TNKS2: variants seen among roughly 807,000 people sequenced by gnomAD.
TNKS2 encodes tankyrase 2, also known as poly [ADP-ribose] polymerase tankyrase-2.
Under a neutral mutation model 137.6 loss-of-function variants are expected in TNKS2, and 72 were observed. That is an observed-to-expected ratio of 0.52 (90% CI 0.43 to 0.64). The LOEUF is 0.64. TNKS2 is among the 30% of genes least tolerant of loss of function. The pLI is 0.00. For missense variants in TNKS2, 1,049 were observed against 1,410.2 expected, an observed-to-expected ratio of 0.74 and a Z score of 4.10; for synonymous variants, 516 against 512.1, an observed-to-expected ratio of 1.01 and a Z score of -0.10.
chr10:91,803,703 A>G (rs186191844), intron 1 of TNKS2, among the ~76,000 whole-genome samples: 7 of 152,346 alleles, frequency 4.6e-5, no homozygotes, highest in Admixed American at 4.6e-4. Flanking sequence ...GTCCTGGCTA[A>G]AGGTTGCTTG....
chr10:91,824,704 G>A (rs1845009976), intron 7 of TNKS2, among the ~76,000 whole-genome samples: 1 of 152,136 alleles, frequency 6.6e-6, no homozygotes, highest in South Asian at 2.1e-4. Flanking sequence ...ACATGAAGCT[G>A]GGAAGGATAA....
Position 91,841,390 on chromosome 10 carries a change from C to T in TNKS2, c.1781C>T (p.Thr594Ile). Residue 594 changes from threonine to isoleucine, a missense_variant, in exon 15 of 27, where the codon ACA becomes ATA. By Grantham distance (89) the Thr-to-Ile change is moderately conservative (BLOSUM62 -1). This residue lies in a region of TNKS2 where 328 missense variants were observed against 436.0 expected (regional missense o/e 0.75). Transcript: ENST00000371627. Reference protein sequence around the residue: ...VVNVADLWKFTPLHEAAAKGK... With the variant: ...VVNVADLWKFIPLHEAAAKGK... ...AATGTAGCTGATTTATGGAAATTTA[C>T]ACCTTTACATGAAGCAGCAGCAAAA... 2.5e-6 allele frequency: 4 copies of T among 1,609,686 alleles called. No individual in the cohort carries two copies. The highest frequency in any genetic ancestry group is 3.4e-6 in the Non-Finnish European group (4 of 1,178,134).
Position 91,862,071 on chromosome 10 carries a change from T to C in TNKS2, c.3354T>C (p.Ser1118=). 6.2e-7 allele frequency: 1 copy of C among 1,613,512 alleles called. No individual in the cohort carries two copies. Among genetic ancestry groups the C allele is most frequent in the South Asian group, 1.1e-5 (1 of 91,018 alleles). The change falls in exon 26 of 27, where the codon TCT becomes TCC. Residue 1118 remains serine, a synonymous_variant. Coordinates refer to ENST00000371627, the MANE Select transcript of TNKS2 (RefSeq NM_025235.4). ...TCAGTGCAATGAAAATGGCACATTC[T>C]CCTCCAGGTCATCACTCAGTCACTG... The part of the protein sequence containing the change: ...LQFSAMKMAH[S]PPGHHSVTGR...
At chr10:91,853,919 T>C (rs1297999417) in intron 21 of TNKS2, among the ~76,000 whole-genome samples, 20 of 152,188 alleles carry the variant, frequency 1.3e-4, no homozygotes, top group Admixed American at 1.3e-3. Context: ...GTTGGAGATA[T>C]TGTTGTAGAG....
chr10:91,833,449 A>G (rs934893563), intron 11 of TNKS2, among the ~76,000 whole-genome samples: 1 of 152,152 alleles, frequency 6.6e-6, no homozygotes, highest in African/African-American at 2.4e-5. Context: ...GATTAAGCCT[A>G]TAGAAATAAG....
At chr10:91,819,014 A>T (rs1185333525) in intron 3 of TNKS2, among the ~76,000 whole-genome samples, 1 of 152,112 alleles carries the variant, frequency 6.6e-6, no homozygotes, top group Admixed American at 6.5e-5. Context: ...GAGCATATTG[A>T]TTTTATATAG....
chr10:91,863,240 G>T lies in TNKS2; in HGVS notation c.*241G>T. On this transcript the variant is annotated 3_prime_UTR_variant, in exon 27 of 27. Transcript: ENST00000371627. ...ATGCCATTCCAGGTTAAACTGGGTT[G>T]TCTGTACTAAATTATAAACAGAGTT... 1 of 402,976 alleles carries T rather than the reference G, an allele frequency of 2.5e-6. No individual in the cohort carries two copies. Among genetic ancestry groups the T allele is most frequent in the South Asian group, 4.0e-5 (1 of 25,152 alleles). 25.0% of individuals were successfully genotyped at this position (402,976 alleles called of 1,614,324 possible).
At position 91,807,205 on chromosome 10, in the gene TNKS2, G is replaced by A. The variant is rs74151737; in HGVS notation, c.200-5778G>A. On this transcript the variant is annotated intron_variant, in intron 1 of 26. Coordinates refer to ENST00000371627, the MANE Select transcript of TNKS2 (RefSeq NM_025235.4). Reference sequence around the variant, plus strand: ...CACTCAGTTTCCATGGTAACATTGCGGGCTTCCTTGGCTACCATAAGTCGC... The same window carrying A: ...CACTCAGTTTCCATGGTAACATTGCAGGCTTCCTTGGCTACCATAAGTCGC... 0.012 allele frequency: 19,979 copies of A among 1,606,352 alleles called. 2,122 individuals carry two copies. In the African/African-American group the frequency reaches 0.23, roughly 19 times the overall value.
intron 21 of TNKS2, among the ~76,000 whole-genome samples, chr10:91,854,204 A>G (rs1390438820): frequency 1.3e-5 from 2 of 152,210 alleles, no homozygotes; most frequent in African/African-American, 4.8e-5. Context: ...ATTCTTCCTC[A>G]TATTTACAAA....
chr10:91,854,356 G>C (rs1189063401), intron 21 of TNKS2, among the ~76,000 whole-genome samples: 1 of 152,088 alleles, frequency 6.6e-6, no homozygotes, highest in Non-Finnish European at 1.5e-5. Context: ...CTTATAACTT[G>C]TCAGGTCAAA....
intron 21 of TNKS2, among the ~76,000 whole-genome samples, chr10:91,853,547 A>T (rs764519127): frequency 6.6e-6 from 1 of 152,180 alleles, no homozygotes; most frequent in East Asian, 1.9e-4. Flanking sequence ...TCTTCTAACA[A>T]TCTATCATGC....
intron 16 of TNKS2, among the ~76,000 whole-genome samples, chr10:91,843,285 C>T (rs1157242112): frequency 6.6e-6 from 1 of 152,162 alleles, no homozygotes; most frequent in Non-Finnish European, 1.5e-5. Flanking sequence ...TTGGTTTCTT[C>T]TGAAACCCCC....
At chr10:91,834,106 TG>T (rs1222669348) in intron 12 of TNKS2, 82 bp downstream of exon 12, 1 of 1,182,646 alleles carries the variant, frequency 8.5e-7, no homozygotes, top group African/African-American at 1.6e-5. Flanking sequence ...AGGTAGGAGT[TG>T]GTAATAAGAA....
At chr10:91,826,925 G>A in intron 7 of TNKS2, 92 bp from the exon 8 acceptor site, 2 of 1,219,992 alleles carry the variant, frequency 1.6e-6, no homozygotes, top group Non-Finnish European at 1.1e-6. Flanking sequence ...AACATAACCT[G>A]TTTTAGCCTG....
chr10:91,840,819 G>A (rs1842188933), intron 14 of TNKS2, 113 bp downstream of exon 14: 1 of 1,039,914 alleles, frequency 9.6e-7, no homozygotes. Context: ...TCCTAACATT[G>A]GCCTAAATAT....
chr10:91,857,546 A>G lies in TNKS2; in HGVS notation c.3094+16A>G, dbSNP rs762112700. ...CTATTTCATGGTAAGATTCCTCCCC[A>G]CCAACTCTACCACTGTCTTCCACAT... is the stretch of plus-strand genomic sequence containing the variant. On this transcript the variant is annotated intron_variant, in intron 24 of 26. Coordinates refer to ENST00000371627, the MANE Select transcript of TNKS2 (RefSeq NM_025235.4). 2.6e-6 allele frequency: 4 copies of G among 1,539,740 alleles called. No homozygotes were observed. In the South Asian group the frequency reaches 4.5e-5, roughly 17 times the overall value.
At chr10:91,832,919 A>G (rs1841865755) in intron 11 of TNKS2, among the ~76,000 whole-genome samples, 4 of 152,108 alleles carry the variant, frequency 2.6e-5, no homozygotes, top group African/African-American at 7.2e-5. Flanking sequence ...GTTTTATTAC[A>G]TATCTTTCCA....
At chr10:91,825,499 C>T (rs960275780) in intron 7 of TNKS2, among the ~76,000 whole-genome samples, 2 of 152,006 alleles carry the variant, frequency 1.3e-5, no homozygotes, top group African/African-American at 2.4e-5. Context: ...AGATGAGTGC[C>T]CTTTATGATG....
chr10:91,856,900 C>T (rs1842721940), intron 23 of TNKS2, among the ~76,000 whole-genome samples: 1 of 150,328 alleles, frequency 6.7e-6, no homozygotes, highest in African/African-American at 2.4e-5. Context: ...TAGAAATACT[C>T]CTAATGAGAC....
Sources: allele counts gnomAD v4.1 joint callset (sites outside exome capture counted in the v4.1 genomes callset), GRCh38; gene constraint gnomAD v4.1.1; regional missense constraint gnomAD v4.1.1; transcripts MANE v1.5; gene names NCBI Gene and HGNC (gene_info 2026-07-23, HGNC 2026-07-21).